TPTE2: variants seen among roughly 807,000 people sequenced by gnomAD.
The protein encoded by TPTE2 is phosphatidylinositol 3,4,5-trisphosphate 3-phosphatase TPTE2.
Under a neutral mutation model 78.6 loss-of-function variants are expected in TPTE2, and 53 were observed. The observed-to-expected ratio is 0.67, with a 90% CI of 0.54 to 0.85. The LOEUF (loss-of-function observed/expected upper bound fraction) is 0.85, where lower values mean the gene tolerates loss of function less well. TPTE2 is among the 40% of genes least tolerant of loss of function. TPTE2 has a pLI of 0.00. For missense variants in TPTE2, 461 were observed against 623.0 expected (o/e 0.74, Z 2.77); for synonymous variants, 175 against 206.2 (o/e 0.85, Z 1.30).
At chr13:19,491,596 C>T (rs536621229) in intron 3 of TPTE2, among the ~76,000 whole-genome samples, 7 of 152,086 alleles carry the variant, frequency 4.6e-5, no homozygotes, top group South Asian at 2.1e-4. Context: ...GAGGCTAAGG[C>T]GGGTGGATCA....
intron 3 of TPTE2, among the ~76,000 whole-genome samples, chr13:19,485,323 G>C (rs1321604492): frequency 6.6e-6 from 1 of 151,898 alleles, no homozygotes; most frequent in Non-Finnish European, 1.5e-5. Context: ...GCTGTGCTGG[G>C]TATAATATTC....
chr13:19,553,180 T>C, the TPTE2 span, among the ~76,000 whole-genome samples: 1 of 152,148 alleles, frequency 6.6e-6, no homozygotes, highest in Non-Finnish European at 1.5e-5. Context: ...AAATGCTTTT[T>C]ATGCATTAGT....
chr13:19,466,970 A>C (rs943406664), intron 7 of TPTE2, among the ~76,000 whole-genome samples: 2 of 152,198 alleles, frequency 1.3e-5, no homozygotes, highest in Non-Finnish European at 2.9e-5. Flanking sequence ...ACAAGAGTAA[A>C]AGTCCTTCTT....
chr13:19,496,556 G>A (rs1413381858), intron 1 of TPTE2, among the ~76,000 whole-genome samples: 1 of 152,176 alleles, frequency 6.6e-6, no homozygotes, highest in African/African-American at 2.4e-5. Context: ...CCAATGAGGT[G>A]CTGTGCTTGT....
intron 19 of TPTE2, among the ~76,000 whole-genome samples, chr13:19,424,260 T>C (rs1360485652): frequency 6.6e-6 from 1 of 152,214 alleles, no homozygotes. Flanking sequence ...AAAATCTCAA[T>C]TTTTCACCAT....
chr13:19,500,962 G>A (rs1435319898), intron 1 of TPTE2, among the ~76,000 whole-genome samples: 5 of 139,228 alleles, frequency 3.6e-5, no homozygotes, highest in African/African-American at 1.1e-4. Context: ...GTCTCAGGAT[G>A]CAAAATCAAT....
chr13:19,497,456 A>T (rs978443209), intron 1 of TPTE2, among the ~76,000 whole-genome samples: 1 of 114,564 alleles, frequency 8.7e-6, no homozygotes, highest in Admixed American at 1.0e-4. Context: ...GAGATCTGAG[A>T]ACGGGCAGAC....
the TPTE2 span, chr13:19,552,604 T>TC: frequency 1.2e-6 from 1 of 839,444 alleles, no homozygotes; most frequent in Non-Finnish European, 1.9e-6. Flanking sequence ...TCCCACAGTT[T>TC]CCCCTCTTTT....
At chr13:19,466,922 C>T (rs772792110) in intron 7 of TPTE2, among the ~76,000 whole-genome samples, 2 of 152,058 alleles carry the variant, frequency 1.3e-5, no homozygotes, top group Non-Finnish European at 2.9e-5. Context: ...AATGGGAATT[C>T]GATGAGAACT....
chr13:19,460,373 T>C (rs1878811486), intron 10 of TPTE2, among the ~76,000 whole-genome samples: 2 of 152,310 alleles, frequency 1.3e-5, no homozygotes. Flanking sequence ...TCATTCTCCA[T>C]TGGTCGACCT....
chr13:19,544,060 C>CAAAAAAAAAAAAAAAAAAAAAAAAAA, the TPTE2 span, among the ~76,000 whole-genome samples: 2 of 31,984 alleles, frequency 6.3e-5, no homozygotes, highest in Non-Finnish European at 1.0e-4. Flanking sequence ...GAACCTGTCT[C>CAAAAAAAAAAAAAAAAAAAAAAAAAA]AAAAAAAAAA....
At chr13:19,498,893 T>C (rs1041254782) in intron 1 of TPTE2, among the ~76,000 whole-genome samples, 3 of 152,076 alleles carry the variant, frequency 2.0e-5, no homozygotes, top group African/African-American at 7.3e-5. Context: ...TGTGCTGTAT[T>C]CAGAAAACCC....
intron 1 of TPTE2, among the ~76,000 whole-genome samples, chr13:19,534,531 G>A (rs1871088924): frequency 6.6e-6 from 1 of 152,136 alleles, no homozygotes; most frequent in East Asian, 1.9e-4. Context: ...TTTAAAAGAA[G>A]CTCTAAACCA....
At chr13:19,519,675 C>T (rs1356891564) in intron 1 of TPTE2, among the ~76,000 whole-genome samples, 1 of 152,198 alleles carries the variant, frequency 6.6e-6, no homozygotes, top group African/African-American at 2.4e-5. Context: ...ATTTTAACCA[C>T]TATAGCTTTA....
At chr13:19,480,577 C>A (rs1267608579) in intron 4 of TPTE2, among the ~76,000 whole-genome samples, 1 of 152,000 alleles carries the variant, frequency 6.6e-6, no homozygotes. Context: ...AAAAGCAAGA[C>A]AACCTGGGAG....
upstream of TPTE2, among the ~76,000 whole-genome samples, chr13:19,537,610 GT>G (rs1332951040): frequency 2.5e-4 from 35 of 140,936 alleles, no homozygotes; most frequent in East Asian, 1.1e-3. Flanking sequence ...TTTGTTTTTT[GT>G]TTTTTTTTTG....
intron 10 of TPTE2, among the ~76,000 whole-genome samples, chr13:19,457,439 T>C (rs1205350841): frequency 6.6e-6 from 1 of 152,170 alleles, no homozygotes; most frequent in Non-Finnish European, 1.5e-5. Context: ...ATGTGTGCCA[T>C]GGTGGTTTGC....
the TPTE2 span, among the ~76,000 whole-genome samples, chr13:19,551,344 C>G: frequency 6.6e-6 from 1 of 152,144 alleles, no homozygotes; most frequent in African/African-American, 2.4e-5. Context: ...AATCCCAGCA[C>G]TTTGGGAGGC....
At chr13:19,484,906 T>C (rs778030990) in intron 3 of TPTE2, among the ~76,000 whole-genome samples, 5 of 152,144 alleles carry the variant, frequency 3.3e-5, no homozygotes, top group African/African-American at 1.2e-4. Flanking sequence ...AGATAAAATA[T>C]AGTTAGGTCT....
Sources: gnomAD v4.1 joint callset for allele counts (sites outside exome capture counted in the v4.1 genomes callset) on GRCh38, gnomAD v4.1.1 for gene constraint, MANE v1.5 for transcripts, NCBI Gene and HGNC (gene_info 2026-07-23, HGNC 2026-07-21) for gene names.